TCF12: variants seen among roughly 807,000 people sequenced by gnomAD.
TCF12 encodes transcription factor 12.
TCF12 carries 45 observed loss-of-function variants against 86.0 expected under a neutral mutation model. The ratio of observed to expected loss-of-function variants is 0.52; its 90% CI spans 0.41 to 0.67. The LOEUF is 0.67. Among genes scored for constraint, TCF12 ranks in the 30% least tolerant of loss-of-function variants. The pLI is 0.00. For missense variants in TCF12, 881 were observed against 859.9 expected (o/e 1.02, Z -0.31); for synonymous variants, 330 against 299.6 (o/e 1.10, Z -1.05).
At chr15:57,027,336 C>G (rs1195531430) in intron 3 of TCF12, among the ~76,000 whole-genome samples, 1 of 152,144 alleles carries the variant, frequency 6.6e-6, no homozygotes, top group Non-Finnish European at 1.5e-5. Flanking sequence ...AGGATAAACT[C>G]TTGTATCTGG....
chr15:57,032,455 T>A (rs374148563), intron 3 of TCF12, among the ~76,000 whole-genome samples: 3 of 152,206 alleles, frequency 2.0e-5, no homozygotes. Context: ...TGAGGCAGGG[T>A]CTTAACTCTT....
intron 3 of TCF12, among the ~76,000 whole-genome samples, chr15:57,035,519 G>A (rs1009570487): frequency 5.3e-5 from 8 of 152,024 alleles, no homozygotes; most frequent in Admixed American, 2.6e-4. Context: ...CTCCCACCTC[G>A]GCCTCCCAAA....
In TCF12 at chr15:57,107,306, T is replaced by C. The variant is rs927572650; in HGVS notation, c.325+15415T>C. On this transcript the variant is annotated intron_variant, in intron 5 of 20. Coordinates refer to ENST00000333725, the MANE Select transcript of TCF12 (RefSeq NM_207037.2). ...GCAGATTACTATGTGTAAGTGCAGA[T>C]TACTGTGTGAAACAAGCCAATCTGA... is the stretch of plus-strand genomic sequence containing the variant. Among the ~76,000 whole-genome samples, 5 of 152,258 alleles carry C rather than the reference T, an allele frequency of 3.3e-5. No homozygotes were observed. In the East Asian group the frequency reaches 5.8e-4, roughly 18 times the overall value.
At chr15:56,963,920 A>G (rs1281942237) in intron 3 of TCF12, among the ~76,000 whole-genome samples, 1 of 152,216 alleles carries the variant, frequency 6.6e-6, no homozygotes, top group Non-Finnish European at 1.5e-5. Flanking sequence ...TTTGAAGGCA[A>G]AAATTTTGGC....
At chr15:57,203,858 G>A (rs1360293463) in intron 8 of TCF12, among the ~76,000 whole-genome samples, 1 of 152,064 alleles carries the variant, frequency 6.6e-6, no homozygotes, top group African/African-American at 2.4e-5. Context: ...CCCTGTCACT[G>A]CAAAAAAATT....
At chr15:57,154,032 G>A (rs1353367801) in intron 5 of TCF12, among the ~76,000 whole-genome samples, 1 of 151,566 alleles carries the variant, frequency 6.6e-6, no homozygotes, top group African/African-American at 2.4e-5. Flanking sequence ...AGAAGTTTGA[G>A]AAAGATAAAA....
chr15:57,216,753 A>G (rs2058347976), intron 8 of TCF12, among the ~76,000 whole-genome samples: 1 of 152,104 alleles, frequency 6.6e-6, no homozygotes, highest in Non-Finnish European at 1.5e-5. Flanking sequence ...ATTATACAAG[A>G]TAATTTATAA....
intron 3 of TCF12, among the ~76,000 whole-genome samples, chr15:56,960,244 T>A (rs2061683042): frequency 6.6e-6 from 1 of 152,202 alleles, no homozygotes; most frequent in African/African-American, 2.4e-5. Flanking sequence ...GTGATTTCAT[T>A]AATACCTTAT....
chr15:56,964,601 G>A (rs1405551348), intron 3 of TCF12, among the ~76,000 whole-genome samples: 1 of 152,096 alleles, frequency 6.6e-6, no homozygotes, highest in Admixed American at 6.6e-5. Context: ...ATAACCAACA[G>A]GGATTTCTTC....
At chr15:56,983,235 A>G (rs2062982533) in intron 3 of TCF12, among the ~76,000 whole-genome samples, 1 of 152,124 alleles carries the variant, frequency 6.6e-6, no homozygotes, top group African/African-American at 2.4e-5. Context: ...AGTCCACTGT[A>G]AGCCTCTCTT....
chr15:57,265,266 T>C (rs1345674560), intron 18 of TCF12, among the ~76,000 whole-genome samples: 1 of 152,110 alleles, frequency 6.6e-6, no homozygotes, highest in Non-Finnish European at 1.5e-5. Context: ...TTGTGGAGTT[T>C]GCACATTCTT....
chr15:57,085,722 A>T (rs1278697372), intron 4 of TCF12, among the ~76,000 whole-genome samples: 2 of 152,158 alleles, frequency 1.3e-5, no homozygotes, highest in Non-Finnish European at 2.9e-5. Flanking sequence ...AACTGCATTT[A>T]TTCTTACTTT....
chr15:57,267,755 T>C (rs2060936181), intron 18 of TCF12, among the ~76,000 whole-genome samples: 1 of 152,204 alleles, frequency 6.6e-6, no homozygotes, highest in African/African-American at 2.4e-5. Context: ...AGGTTAGTAA[T>C]AGTCCATAAT....
chr15:56,954,043 C>T (rs1007983414), intron 3 of TCF12, among the ~76,000 whole-genome samples: 1 of 151,704 alleles, frequency 6.6e-6, no homozygotes, highest in Non-Finnish European at 1.5e-5. Flanking sequence ...TAATATAGGC[C>T]TTTAGTGCTA....
intron 18 of TCF12, among the ~76,000 whole-genome samples, chr15:57,264,195 C>CTTTTTTATTTTTTTTT (rs2060729250): frequency 2.0e-5 from 1 of 50,698 alleles, no homozygotes. Context: ...CTTTTGTAAG[C>CTTTTTTATTTTTTTTT]TTTTTTTTTT....
chr15:57,173,531 A>G (rs1370529810), intron 6 of TCF12, among the ~76,000 whole-genome samples: 1 of 152,140 alleles, frequency 6.6e-6, no homozygotes, highest in African/African-American at 2.4e-5. Context: ...CAAGAACACA[A>G]ATTACCAGAA....
intron 3 of TCF12, among the ~76,000 whole-genome samples, chr15:56,928,172 C>T (rs180690731): frequency 1.3e-5 from 2 of 152,274 alleles, no homozygotes; most frequent in Admixed American, 1.3e-4. Context: ...TTTAAATAAT[C>T]AGAGCTATAC....
chr15:57,134,561 A>G (rs2052380397), intron 5 of TCF12: 1 of 152,206 alleles, frequency 6.6e-6, no homozygotes, highest in African/African-American at 2.4e-5. Context: ...GCATATAAAG[A>G]TTCTTTATTT....
chr15:57,244,025 T>C (rs753786729), intron 13 of TCF12, among the ~76,000 whole-genome samples: 5 of 151,996 alleles, frequency 3.3e-5, no homozygotes, highest in Non-Finnish European at 7.4e-5. Context: ...AATACAGGTG[T>C]ATGCCACCGT....
Sources: allele counts gnomAD v4.1 joint callset (sites outside exome capture counted in the v4.1 genomes callset), GRCh38; gene constraint gnomAD v4.1.1; transcripts MANE v1.5; gene names NCBI Gene and HGNC (gene_info 2026-07-23, HGNC 2026-07-21).